PPFIBP2: variants seen among roughly 807,000 people sequenced by gnomAD.
PPFIBP2 encodes the protein PPFIB scaffold protein 2.
In PPFIBP2, 118 loss-of-function variants were observed where a neutral mutation model predicts 118.3. The observed-to-expected ratio is 1.00, with a 90% CI of 0.86 to 1.16. PPFIBP2 has a LOEUF of 1.16. Among genes scored for constraint, PPFIBP2 ranks in the 50% most tolerant of loss-of-function variants. The probability of loss-of-function intolerance (pLI) is 0.00; values close to 1 mark genes in which losing one functional copy is unlikely to be tolerated. For synonymous variants in PPFIBP2, 414 were observed against 397.4 expected (o/e 1.04, Z -0.50); for missense variants, 1,195 against 1,073.1 (o/e 1.11, Z -1.59).
chr11:7,638,007 C>A (rs1194290869), intron 14 of PPFIBP2, among the ~76,000 whole-genome samples: 1 of 152,176 alleles, frequency 6.6e-6, no homozygotes, highest in African/African-American at 2.4e-5. Flanking sequence ...GCTCTTCCCC[C>A]CTCCATATGT....
At chr11:7,577,322 T>TGTGTGTGC (rs1415761489) in intron 3 of PPFIBP2, 16 of 193,980 alleles carry the variant, frequency 8.2e-5, no homozygotes, top group African/African-American at 4.5e-4. Context: ...TGTATGTGCG[T>TGTGTGTGC]GTGTGTGTGT....
intron 2 of PPFIBP2, among the ~76,000 whole-genome samples, chr11:7,559,685 CCA>C (rs1360312647): frequency 6.6e-6 from 1 of 152,138 alleles, no homozygotes; most frequent in East Asian, 1.9e-4. Context: ...TTTCTCAGAT[CCA>C]TTTATGAAAT....
rs1272991890 is a variant in PPFIBP2 at position 7,616,931 on chromosome 11, G to A, written c.619-4004G>A. On this transcript the variant is annotated intron_variant, in intron 6 of 23. Coordinates refer to ENST00000299492, the MANE Select transcript of PPFIBP2 (RefSeq NM_003621.5). The surrounding 1 kb of genome is among the most constrained non-coding windows in gnomAD (Gnocchi z 5.2). ...AGGCATCTGGATGGGGCAGGCCTGA[G>A]GAAAAATGCCATGTCTTTTGGTTCT... is the stretch of plus-strand genomic sequence containing the variant. Among the ~76,000 whole-genome samples the A allele has an allele frequency of 1.3e-5, 2 of 152,052 alleles. No individual in the cohort carries two copies. The highest frequency in any genetic ancestry group is 2.9e-5 in the Non-Finnish European group (2 of 68,002).
chr11:7,640,285 T>C (rs1355446989), intron 15 of PPFIBP2, among the ~76,000 whole-genome samples: 1 of 152,168 alleles, frequency 6.6e-6, no homozygotes, highest in African/African-American at 2.4e-5. Flanking sequence ...GTCTCCACCT[T>C]CTTCTCTGCA....
At chr11:7,523,011 G>C (rs1424201249) in intron 1 of PPFIBP2, among the ~76,000 whole-genome samples, 1 of 152,116 alleles carries the variant, frequency 6.6e-6, no homozygotes, top group Non-Finnish European at 1.5e-5. Flanking sequence ...GGGGATGGGG[G>C]TACAGGGAAC....
chr11:7,623,754 G>A (rs1230801376), intron 7 of PPFIBP2, among the ~76,000 whole-genome samples: 2 of 152,192 alleles, frequency 1.3e-5, no homozygotes, highest in African/African-American at 4.8e-5. Context: ...CACAAAGAAA[G>A]GGAGAAATGG....
rs369409264 is a variant in PPFIBP2, at chr11:7,648,397, G to T, written c.1657G>T (p.Ala553Ser). Residue 553 changes from alanine to serine, a missense_variant, in exon 18 of 24, where the codon GCC becomes TCC. Ala to Ser is a moderately conservative substitution (Grantham distance 99, BLOSUM62 1). Coordinates refer to ENST00000299492, the MANE Select transcript of PPFIBP2 (RefSeq NM_003621.5). ...DSKGQKSDAN[A>S]PFAQWSTERV... ...TTTCCTGCTTCCCAGTGACGCCAATGCCCCCTTTGCCCAGTGGAGCACAGA... is the reference window on the plus strand; with the variant it reads ...TTTCCTGCTTCCCAGTGACGCCAATTCCCCCTTTGCCCAGTGGAGCACAGA... 1 of 1,611,612 alleles carries T rather than the reference G, an allele frequency of 6.2e-7. No homozygotes were observed. The highest frequency in any genetic ancestry group is 1.3e-5 in the African/African-American group (1 of 74,986).
At chr11:7,587,614 G>A (rs1858441026) in intron 3 of PPFIBP2, among the ~76,000 whole-genome samples, 1 of 152,288 alleles carries the variant, frequency 6.6e-6, no homozygotes, top group Admixed American at 6.5e-5. Flanking sequence ...CTTTTTCTTG[G>A]CTTTTGTTTG....
At chr11:7,515,833 C>A (rs904774081) in intron 1 of PPFIBP2, among the ~76,000 whole-genome samples, 2 of 152,162 alleles carry the variant, frequency 1.3e-5, no homozygotes, top group South Asian at 4.1e-4. Flanking sequence ...TAGCCTGATA[C>A]AGAGAAAATC....
chr11:7,651,378 G>A lies in PPFIBP2; in HGVS notation c.2248-278G>A, dbSNP rs118064923. On this transcript the variant is annotated intron_variant, in intron 22 of 23. Coordinates refer to ENST00000299492, the MANE Select transcript of PPFIBP2 (RefSeq NM_003621.5). ...AATGAGGAAGTGTGGTGGCTTGGATGTCATCCAGAGAAGATCCTGAGAGAC... is the reference window on the plus strand; with the variant it reads ...AATGAGGAAGTGTGGTGGCTTGGATATCATCCAGAGAAGATCCTGAGAGAC... 1.6e-3 allele frequency: 653 copies of A among 410,174 alleles called. 11 individuals are homozygous for A. In the East Asian group the frequency reaches 0.024, roughly 15 times the overall value. 25.4% of individuals were successfully genotyped at this position (410,174 alleles called of 1,614,324 possible). A position where few individuals can be genotyped will look rare whatever the true frequency, so the allele number is the denominator to read the frequency against.
At chr11:7,549,653 A>G (rs1852735734) in intron 2 of PPFIBP2, 114 bp downstream of exon 2, 3 of 1,101,022 alleles carry the variant, frequency 2.7e-6, no homozygotes, top group African/African-American at 2.0e-5. Context: ...CTTTTGTTAT[A>G]TTTATTTTTC....
chr11:7,589,441 A>C (rs1298034412), intron 3 of PPFIBP2, among the ~76,000 whole-genome samples: 2 of 151,988 alleles, frequency 1.3e-5, no homozygotes, highest in African/African-American at 4.8e-5. Context: ...AAAATACAAA[A>C]AATTAGCTGG....
At chr11:7,610,874 C>T (rs1396409664) in intron 6 of PPFIBP2, among the ~76,000 whole-genome samples, 1 of 152,180 alleles carries the variant, frequency 6.6e-6, no homozygotes, top group Non-Finnish European at 1.5e-5. Flanking sequence ...TTTCTCTTTT[C>T]CTGATGGGTC....
At chr11:7,617,592 A>G (rs1848815146) in intron 6 of PPFIBP2, among the ~76,000 whole-genome samples, 1 of 152,158 alleles carries the variant, frequency 6.6e-6, no homozygotes, top group Non-Finnish European at 1.5e-5. Context: ...GTGCCACAGG[A>G]AGCCTCATGA....
At chr11:7,584,195 CAGGATTATTCA>C (rs1215597434) in intron 3 of PPFIBP2, among the ~76,000 whole-genome samples, 1 of 152,108 alleles carries the variant, frequency 6.6e-6, no homozygotes, top group East Asian at 1.9e-4. Flanking sequence ...AGTGGGTGCT[CAGGATTATTCA>C]AGTCATTTCA....
intron 4 of PPFIBP2, among the ~76,000 whole-genome samples, chr11:7,595,065 A>G (rs1393107854): frequency 1.3e-5 from 2 of 152,202 alleles, no homozygotes; most frequent in Non-Finnish European, 2.9e-5. Flanking sequence ...TTACAGGAGG[A>G]AGCCAAGGAG....
At chr11:7,605,808 T>A in intron 5 of PPFIBP2, 4 of 1,377,100 alleles carry the variant, frequency 2.9e-6, no homozygotes, top group Non-Finnish European at 3.7e-6. Flanking sequence ...AGGAGAGAAT[T>A]TCAGAGCTGA....
At chr11:7,553,494 T>C (rs1187796767) in intron 2 of PPFIBP2, among the ~76,000 whole-genome samples, 1 of 152,226 alleles carries the variant, frequency 6.6e-6, no homozygotes, top group Non-Finnish European at 1.5e-5. Context: ...CTGAACCAAA[T>C]TGGGCCAAAG....
intron 23 of PPFIBP2, 81 bp from the exon 24 acceptor site, chr11:7,652,943 T>C: frequency 6.9e-7 from 1 of 1,459,776 alleles, no homozygotes; most frequent in Non-Finnish European, 9.3e-7. Flanking sequence ...GTGCCTGCTC[T>C]TAAATTTTAA....
Sources: gnomAD v4.1 joint callset for allele counts (sites outside exome capture counted in the v4.1 genomes callset) on GRCh38, gnomAD v4.1.1 for gene constraint, Gnocchi (gnomAD v3.1) non-coding constraint, MANE v1.5 for transcripts, NCBI Gene and HGNC (gene_info 2026-07-23, HGNC 2026-07-21) for gene names.